BMPR2: variants seen among roughly 807,000 people sequenced by gnomAD.
The protein encoded by BMPR2 is bone morphogenetic protein receptor type 2, also known as bone morphogenetic protein receptor type-2.
BMPR2 carries 29 observed loss-of-function variants against 100.8 expected under a neutral mutation model. That is an observed-to-expected ratio of 0.29 (90% confidence interval 0.21 to 0.39). The LOEUF is 0.39. Ranked by LOEUF, BMPR2 falls within the 10% of genes least tolerant of loss-of-function variation. BMPR2 has a pLI of 1.00. For synonymous variants in BMPR2, 382 were observed against 442.3 expected (o/e 0.86, Z 1.71); for missense variants, 1,011 against 1,274.5 (o/e 0.79, Z 3.15).
chr2:202,403,017 G>A (rs1257839165), intron 1 of BMPR2, among the ~76,000 whole-genome samples: 6 of 151,086 alleles, frequency 4.0e-5, no homozygotes, highest in Non-Finnish European at 7.4e-5. Flanking sequence ...TAGTAGAGAT[G>A]GGATTTCTCC....
At chr2:202,455,257 A>G (rs1692070155) in intron 1 of BMPR2, among the ~76,000 whole-genome samples, 1 of 152,190 alleles carries the variant, frequency 6.6e-6, no homozygotes, top group Non-Finnish European at 1.5e-5. Flanking sequence ...CTTAATATCC[A>G]AATAAGGTGA....
intron 7 of BMPR2, among the ~76,000 whole-genome samples, chr2:202,525,898 T>A (rs1687902194): frequency 7.7e-6 from 1 of 130,638 alleles, no homozygotes; most frequent in African/African-American, 3.0e-5. Context: ...GGAGTTTAGC[T>A]CTTGCTGCTC....
At chr2:202,462,313 C>T (rs1344665059) in intron 1 of BMPR2, among the ~76,000 whole-genome samples, 1 of 151,524 alleles carries the variant, frequency 6.6e-6, no homozygotes, top group Admixed American at 6.6e-5. Flanking sequence ...CACTGCCTCC[C>T]GGATTCAACT....
intron 1 of BMPR2, among the ~76,000 whole-genome samples, chr2:202,422,533 C>T (rs978451729): frequency 2.0e-5 from 3 of 152,058 alleles, no homozygotes; most frequent in Non-Finnish European, 4.4e-5. Context: ...GTCTCGATCT[C>T]GTGACCTCAT....
At chr2:202,512,544 G>T (rs1326886108) in intron 3 of BMPR2, among the ~76,000 whole-genome samples, 2 of 152,112 alleles carry the variant, frequency 1.3e-5, no homozygotes, top group Non-Finnish European at 2.9e-5. Context: ...TTCCTCATCA[G>T]ATGCTTTCAG....
intron 1 of BMPR2, among the ~76,000 whole-genome samples, chr2:202,459,780 A>G (rs1014534625): frequency 6.6e-6 from 1 of 152,230 alleles, no homozygotes; most frequent in African/African-American, 2.4e-5. Flanking sequence ...TTAATTAAAC[A>G]TAAGAGCTTC....
chr2:202,505,116 G>T, intron 3 of BMPR2: 1 of 160,384 alleles, frequency 6.2e-6, no homozygotes, highest in South Asian at 1.5e-4. Context: ...TAGGCCTACT[G>T]AACCAAAGAG....
In BMPR2 at chr2:202,513,794, T is replaced by A. The variant is rs770234590; in HGVS notation, c.494T>A (p.Ile165Lys). The A allele has an allele frequency of 6.2e-7, 1 of 1,612,946 alleles. No homozygotes were observed. The highest frequency in any genetic ancestry group is 8.5e-7 in the Non-Finnish European group (1 of 1,179,244). Residue 165 changes from isoleucine to lysine, a missense_variant, in exon 4 of 13, where the codon ATA becomes AAA. By Grantham distance (102) the Ile-to-Lys change is moderately radical. Around this residue, in one of 6 missense-constraint regions of BMPR2, gnomAD observed 355 missense variants for 455.3 expected, o/e 0.78. Transcript: ENST00000374580. ...LASVSVLAVL[I>K]VALCFGYRML... The stretch of plus-strand genomic sequence containing the variant: ...TCAGTCTCTGTATTAGCTGTTTTGA[T>A]AGTTGCCTTATGCTTTGGATACAGA...
intron 10 of BMPR2, among the ~76,000 whole-genome samples, chr2:202,550,785 AG>A (rs1688462008): frequency 6.6e-6 from 1 of 152,126 alleles, no homozygotes; most frequent in Non-Finnish European, 1.5e-5. Flanking sequence ...CCTGGGCAAC[AG>A]AATGAGACCT....
At chr2:202,429,429 C>T (rs1238354160) in intron 1 of BMPR2, among the ~76,000 whole-genome samples, 1 of 152,182 alleles carries the variant, frequency 6.6e-6, no homozygotes, top group East Asian at 1.9e-4. Context: ...CACGTTCTTG[C>T]TAAGCTTTTG....
chr2:202,498,293 A>G (rs1269340585), intron 3 of BMPR2, among the ~76,000 whole-genome samples: 3 of 152,220 alleles, frequency 2.0e-5, no homozygotes, highest in Non-Finnish European at 4.4e-5. Flanking sequence ...TGCGTCGGTA[A>G]GGACCACTAA....
At chr2:202,409,209 G>A (rs1043007030) in intron 1 of BMPR2, among the ~76,000 whole-genome samples, 17 of 152,212 alleles carry the variant, frequency 1.1e-4, no homozygotes, top group African/African-American at 3.6e-4. Flanking sequence ...ATCAGGTGTG[G>A]TGGTGCACAC....
intron 9 of BMPR2, among the ~76,000 whole-genome samples, chr2:202,536,350 G>A (rs572893646): frequency 6.6e-6 from 1 of 152,150 alleles, no homozygotes; most frequent in Non-Finnish European, 1.5e-5. Context: ...CTGGGCTCAA[G>A]TGATCCACCC....
chr2:202,390,980 C>CT (rs11459505), intron 1 of BMPR2, among the ~76,000 whole-genome samples: 15,407 of 51,866 alleles, frequency 0.3, 5,833 homozygotes, highest in Non-Finnish European at 0.39. Flanking sequence ...AGTAAGTAGT[C>CT]TTTTTTTTTT....
intron 3 of BMPR2, among the ~76,000 whole-genome samples, chr2:202,487,716 G>A (rs371945021): frequency 6.6e-6 from 1 of 152,184 alleles, no homozygotes; most frequent in Non-Finnish European, 1.5e-5. Flanking sequence ...AGAAAGGACA[G>A]CAAATTATTA....
chr2:202,380,295 C>T (rs574307337), intron 1 of BMPR2, among the ~76,000 whole-genome samples: 1 of 152,046 alleles, frequency 6.6e-6, no homozygotes, highest in East Asian at 1.9e-4. Flanking sequence ...TAAAGGTCAA[C>T]TTCTGTAATG....
chr2:202,441,284 A>G (rs1450562877), intron 1 of BMPR2, among the ~76,000 whole-genome samples: 3 of 150,484 alleles, frequency 2.0e-5, no homozygotes, highest in Non-Finnish European at 4.4e-5. Context: ...TAGTCTTTCA[A>G]AGTTTTCTTC....
intron 1 of BMPR2, among the ~76,000 whole-genome samples, chr2:202,446,513 CATA>C (rs1349343176): frequency 6.6e-6 from 1 of 150,610 alleles, no homozygotes; most frequent in Non-Finnish European, 1.5e-5. Context: ...GTCTGTAAAT[CATA>C]ATGATGGGCC....
chr2:202,413,163 A>G (rs1488627394), intron 1 of BMPR2, among the ~76,000 whole-genome samples: 1 of 152,154 alleles, frequency 6.6e-6, no homozygotes, highest in Admixed American at 6.5e-5. Flanking sequence ...GCCATAAACA[A>G]ATGTCCTGTT....
Sources: gnomAD v4.1 joint callset for allele counts (sites outside exome capture counted in the v4.1 genomes callset) on GRCh38, gnomAD v4.1.1 for gene constraint, gnomAD v4.1.1 regional missense constraint, MANE v1.5 for transcripts, NCBI Gene and HGNC (gene_info 2026-07-23, HGNC 2026-07-21) for gene names.